The following C10orf143 variants were observed in gnomAD, a reference collection of about 807,000 sequenced individuals.
C10orf143 encodes the protein chromosome 10 open reading frame 143.
At chr10:130,095,739 T>C (rs1861452381) in intron 1 of C10orf143, among the ~76,000 whole-genome samples, 1 of 152,088 alleles carries the variant, frequency 6.6e-6, no homozygotes, top group Non-Finnish European at 1.5e-5. Context: ...GGCTAAGCCA[T>C]ATGCAGAAAA....
At chr10:130,097,254 A>G (rs1399768290) in intron 1 of C10orf143, among the ~76,000 whole-genome samples, 1 of 152,192 alleles carries the variant, frequency 6.6e-6, no homozygotes, top group Non-Finnish European at 1.5e-5. Context: ...GATGCTCAAC[A>G]TCAATACTAC....
intron 3 of C10orf143, among the ~76,000 whole-genome samples, chr10:130,071,779 C>G (rs995019211): frequency 6.6e-6 from 1 of 152,144 alleles, no homozygotes; most frequent in African/African-American, 2.4e-5. Flanking sequence ...AGGCATGCAC[C>G]ATGCCTGGCT....
chr10:130,045,854 G>A (rs1251451858), intron 3 of C10orf143, among the ~76,000 whole-genome samples: 1 of 152,308 alleles, frequency 6.6e-6, no homozygotes, highest in African/African-American at 2.4e-5. Context: ...TGATGGCTCC[G>A]GTCGTGGCTG....
intron 3 of C10orf143, among the ~76,000 whole-genome samples, chr10:130,072,950 T>C (rs1640879832): frequency 6.6e-6 from 1 of 152,216 alleles, no homozygotes; most frequent in African/African-American, 2.4e-5. Flanking sequence ...ATCTTCAATG[T>C]GTAAAAACCA....
intron 1 of C10orf143, among the ~76,000 whole-genome samples, chr10:130,093,596 A>G (rs1861416282): frequency 6.6e-6 from 1 of 152,350 alleles, no homozygotes; most frequent in Admixed American, 6.5e-5. Flanking sequence ...AGATACAAAA[A>G]AACCCTTCAA....
downstream of C10orf143, among the ~76,000 whole-genome samples, chr10:130,062,046 C>G (rs1487853734): frequency 6.6e-6 from 1 of 152,192 alleles, no homozygotes; most frequent in East Asian, 1.9e-4. Context: ...CCTCTGTTCA[C>G]ACGAGGCCAG....
At chr10:130,054,884 A>G (rs896834599) in intron 3 of C10orf143, among the ~76,000 whole-genome samples, 4 of 152,268 alleles carry the variant, frequency 2.6e-5, no homozygotes, top group African/African-American at 9.6e-5. Flanking sequence ...CCAATGGAAT[A>G]GAGTCAAGAA....
chr10:130,055,272 G>GAA lies in C10orf143; in HGVS notation c.298-19304_298-19303dup, dbSNP rs149046025. Among the ~76,000 whole-genome samples the GAA allele has an allele frequency of 7.2e-3, 1,091 of 152,294 alleles. 12 individuals are homozygous for GAA. The highest frequency in any genetic ancestry group is 0.025 in the African/African-American group (1,048 of 41,566). ...TAGACAAGTGGGATTTCATCAAATT[G>GAA]AAAAGCTTCTTTACAGCAAAGGAAG... On this transcript the variant is annotated intron_variant and NMD_transcript_variant, in intron 3 of 5. Coordinates refer to the C10orf143 transcript ENST00000643056.
intron 3 of C10orf143, among the ~76,000 whole-genome samples, chr10:130,051,333 C>A (rs1286574654): frequency 8.2e-6 from 1 of 122,056 alleles, no homozygotes; most frequent in Non-Finnish European, 1.7e-5. Flanking sequence ...CATTAAGAGT[C>A]TCATCTCCCT....
chr10:130,047,056 C>T (rs1390058597), intron 3 of C10orf143, among the ~76,000 whole-genome samples: 1 of 152,246 alleles, frequency 6.6e-6, no homozygotes, highest in African/African-American at 2.4e-5. Flanking sequence ...ATGTGTCTCG[C>T]ATCCACAGTG....
chr10:130,103,618 G>A (rs1470179675), intron 1 of C10orf143, among the ~76,000 whole-genome samples: 2 of 152,062 alleles, frequency 1.3e-5, no homozygotes, highest in African/African-American at 4.8e-5. Context: ...ACCAGCCTGG[G>A]CAACATGGCA....
intron 1 of C10orf143, among the ~76,000 whole-genome samples, chr10:130,088,386 A>G (rs973390380): frequency 6.6e-6 from 1 of 152,236 alleles, no homozygotes; most frequent in African/African-American, 2.4e-5. Context: ...CTCCATTTCA[A>G]AAAAATAAAT....
At chr10:130,036,267 C>A (rs1307205003) in intron 3 of C10orf143, among the ~76,000 whole-genome samples, 1 of 152,218 alleles carries the variant, frequency 6.6e-6, no homozygotes, top group Non-Finnish European at 1.5e-5. Flanking sequence ...ACTTCCCATG[C>A]CAGGCCTGTC....
intron 3 of C10orf143, among the ~76,000 whole-genome samples, chr10:130,073,409 A>G (rs1418828380): frequency 6.6e-6 from 1 of 152,154 alleles, no homozygotes; most frequent in African/African-American, 2.4e-5. Flanking sequence ...TCTAAACTTT[A>G]TGCAAGGATC....
At chr10:130,064,825 C>T (rs1403311162) in intron 3 of C10orf143, 2 of 152,294 alleles carry the variant, frequency 1.3e-5, no homozygotes, top group Admixed American at 1.3e-4. Flanking sequence ...CTCCGGCCCC[C>T]AACCCATTTC....
intron 3 of C10orf143, among the ~76,000 whole-genome samples, chr10:130,074,818 G>C (rs573640837): frequency 6.6e-6 from 1 of 152,060 alleles, no homozygotes; most frequent in Admixed American, 6.5e-5. Context: ...TCATACTTTG[G>C]CTCCTCCTGG....
intron 1 of C10orf143, among the ~76,000 whole-genome samples, chr10:130,096,851 A>T (rs1230525382): frequency 4.6e-5 from 1 of 21,664 alleles, no homozygotes; most frequent in Admixed American, 5.2e-4. Context: ...AAAATATATT[A>T]AAAAAAAAAA....
intron 1 of C10orf143, among the ~76,000 whole-genome samples, chr10:130,101,854 A>AAT (rs1861557929): frequency 3.2e-5 from 1 of 31,114 alleles, no homozygotes. Flanking sequence ...TGTCTCAAAA[A>AAT]AAAAAAAAAC....
At chr10:130,072,687 G>A (rs1861052933) in intron 3 of C10orf143, among the ~76,000 whole-genome samples, 1 of 151,986 alleles carries the variant, frequency 6.6e-6, no homozygotes, top group Non-Finnish European at 1.5e-5. Context: ...CAGAGACATG[G>A]CAGGCTTGGT....
Sources: gnomAD v4.1 joint callset for allele counts (sites outside exome capture counted in the v4.1 genomes callset) on GRCh38, gnomAD v4.1.1 for gene constraint, MANE v1.5 for transcripts, NCBI Gene and HGNC (gene_info 2026-07-23, HGNC 2026-07-21) for gene names.